TBX20: variants seen among roughly 807,000 people sequenced by gnomAD.
The protein encoded by TBX20 is T-box transcription factor TBX20.
TBX20 carries 8 observed loss-of-function variants against 42.9 expected under a neutral mutation model. The ratio of observed to expected loss-of-function variants is 0.19; its 90% CI spans 0.11 to 0.34. TBX20 has a LOEUF of 0.34. Among genes scored for constraint, TBX20 ranks in the 10% least tolerant of loss-of-function variants. The pLI is 1.00. For synonymous variants in TBX20, 198 were observed against 222.8 expected, an observed-to-expected ratio of 0.89 and a Z score of 0.99; for missense variants, 411 against 566.0, an observed-to-expected ratio of 0.73 and a Z score of 2.78.
intron 5 of TBX20, among the ~76,000 whole-genome samples, chr7:35,234,098 C>G (rs1455603702): frequency 6.6e-6 from 1 of 152,184 alleles, no homozygotes; most frequent in Non-Finnish European, 1.5e-5. Flanking sequence ...ATAAAATTTT[C>G]TACAGACAAC....
intron 6 of TBX20, among the ~76,000 whole-genome samples, chr7:35,208,932 T>C (rs1378519388): frequency 2.0e-5 from 3 of 152,050 alleles, no homozygotes; most frequent in Non-Finnish European, 2.9e-5. Context: ...TTTTCAAGAA[T>C]AGAGGTTGAA....
chr7:35,249,826 G>T lies in TBX20; in HGVS notation c.380+125C>A. ...CAAGCTGGTGGAAAGCAGCTGCCCT[G>T]GAGCCAAGCTGTCTCTCCGCTCCAT... is the stretch of plus-strand genomic sequence containing the variant. On this transcript the variant is annotated intron_variant, in intron 2 of 7. Coordinates refer to ENST00000408931, the MANE Select transcript of TBX20 (RefSeq NM_001077653.2). The surrounding 1 kb of genome is among the most constrained non-coding windows in gnomAD (Gnocchi z 4.3). 9.0e-7 allele frequency: 1 copy of T among 1,105,622 alleles called. No individual in the cohort carries two copies. Among genetic ancestry groups the T allele is most frequent in the East Asian group, 2.5e-5 (1 of 39,970 alleles). 68.5% of individuals were successfully genotyped at this position (1,105,622 alleles called of 1,614,324 possible). A position where few individuals can be genotyped will look rare whatever the true frequency, so the allele number is the denominator to read the frequency against.
At chr7:35,226,391 A>C (rs1280551079) in intron 6 of TBX20, among the ~76,000 whole-genome samples, 4 of 149,834 alleles carry the variant, frequency 2.7e-5, no homozygotes, top group African/African-American at 7.4e-5. Flanking sequence ...TTTAGAGAAC[A>C]AGGTGAACAA....
chr7:35,247,046 A>AT (rs991071117), intron 3 of TBX20, among the ~76,000 whole-genome samples: 2 of 151,882 alleles, frequency 1.3e-5, no homozygotes, highest in African/African-American at 4.8e-5. Flanking sequence ...AGTAACATAA[A>AT]CAAGGCATGT....
At position 35,253,768 on chromosome 7, in the gene TBX20, G is replaced by A; in HGVS notation, c.-148C>T. The A allele has an allele frequency of 2.0e-6, 2 of 982,948 alleles. No individual in the cohort carries two copies. The highest frequency in any genetic ancestry group is 1.6e-5 in the South Asian group (1 of 61,750). The allele number at this position is 982,948 out of a possible 1,614,324, so 60.9% of individuals were successfully genotyped here. On this transcript the variant is annotated 5_prime_UTR_variant, in exon 1 of 8. Coordinates refer to ENST00000408931, the MANE Select transcript of TBX20 (RefSeq NM_001077653.2). ...GGACTCCAGAAGTGTCAGCTCCAAC[G>A]ACTCCAGAGCTGCACACTGGCCTCT... is the stretch of plus-strand genomic sequence containing the variant.
chr7:35,243,361 T>C (rs1423205828), intron 4 of TBX20, among the ~76,000 whole-genome samples: 1 of 152,172 alleles, frequency 6.6e-6, no homozygotes, highest in African/African-American at 2.4e-5. Flanking sequence ...ATAATCTTGG[T>C]ATAATCAGGC....
intron 6 of TBX20, among the ~76,000 whole-genome samples, chr7:35,223,709 G>C (rs1392980649): frequency 6.6e-6 from 1 of 152,162 alleles, no homozygotes; most frequent in Non-Finnish European, 1.5e-5. Flanking sequence ...ACTTTGACAA[G>C]GGTGGACTAG....
intron 3 of TBX20, among the ~76,000 whole-genome samples, chr7:35,248,213 T>A (rs1584358906): frequency 6.6e-6 from 1 of 152,324 alleles, no homozygotes; most frequent in East Asian, 1.9e-4. Context: ...TAAATGTTGT[T>A]TATTATATGC....
At chr7:35,220,597 C>T (rs1484991711) in intron 6 of TBX20, among the ~76,000 whole-genome samples, 2 of 152,212 alleles carry the variant, frequency 1.3e-5, no homozygotes, top group Admixed American at 6.5e-5. Context: ...ATTGCCCCTT[C>T]TTCAATCTAT....
At chr7:35,206,697 C>G (rs967011156) in intron 6 of TBX20, among the ~76,000 whole-genome samples, 1 of 152,230 alleles carries the variant, frequency 6.6e-6, no homozygotes, top group Non-Finnish European at 1.5e-5. Flanking sequence ...TGGTCCCCAT[C>G]GCAACAAACC....
At chr7:35,207,128 A>C (rs1457503180) in intron 6 of TBX20, among the ~76,000 whole-genome samples, 1 of 152,194 alleles carries the variant, frequency 6.6e-6, no homozygotes, top group Non-Finnish European at 1.5e-5. Context: ...TAGCATTCCC[A>C]CCATCAGTGT....
chr7:35,240,575 C>G (rs530221315), intron 5 of TBX20, among the ~76,000 whole-genome samples: 3 of 152,020 alleles, frequency 2.0e-5, no homozygotes, highest in Non-Finnish European at 2.9e-5. Context: ...TACATGTTAC[C>G]AGGAGGAGGA....
chr7:35,217,085 AAT>A (rs1386949318), intron 6 of TBX20, among the ~76,000 whole-genome samples: 1 of 152,138 alleles, frequency 6.6e-6, no homozygotes, highest in Non-Finnish European at 1.5e-5. Flanking sequence ...TGAGAACTGA[AAT>A]ATACAATCCA....
chr7:35,227,196 G>T, intron 6 of TBX20, among the ~76,000 whole-genome samples: 1 of 151,882 alleles, frequency 6.6e-6, no homozygotes, highest in East Asian at 1.9e-4. Context: ...TGTTACAGGA[G>T]AGTCAAAAAG....
At chr7:35,225,312 TAA>T (rs984155509) in intron 6 of TBX20, among the ~76,000 whole-genome samples, 1 of 151,912 alleles carries the variant, frequency 6.6e-6, no homozygotes, top group Non-Finnish European at 1.5e-5. Flanking sequence ...GTTGCCACAT[TAA>T]AAAAAATACA....
chr7:35,216,999 C>G (rs1243868373), intron 6 of TBX20, among the ~76,000 whole-genome samples: 1 of 152,128 alleles, frequency 6.6e-6, no homozygotes, highest in East Asian at 1.9e-4. Context: ...ATATTCGTAA[C>G]TTCCACGAAA....
chr7:35,211,080 A>G (rs1789489371), intron 6 of TBX20, among the ~76,000 whole-genome samples: 1 of 151,982 alleles, frequency 6.6e-6, no homozygotes, highest in Non-Finnish European at 1.5e-5. Flanking sequence ...TTTATAGTAA[A>G]TATCTTTAAG....
At chr7:35,225,374 C>G (rs1319093469) in intron 6 of TBX20, among the ~76,000 whole-genome samples, 1 of 151,972 alleles carries the variant, frequency 6.6e-6, no homozygotes, top group Non-Finnish European at 1.5e-5. Flanking sequence ...TTCAATATAT[C>G]TAATTGATAT....
At chr7:35,236,751 G>A (rs57812663) in intron 5 of TBX20, among the ~76,000 whole-genome samples, 55,587 of 151,880 alleles carry the variant, frequency 0.37, 10,457 homozygotes, top group Admixed American at 0.46. Flanking sequence ...GGTGGATATC[G>A]AAAAATAAAC....
Sources: allele counts gnomAD v4.1 joint callset (sites outside exome capture counted in the v4.1 genomes callset), GRCh38; gene constraint gnomAD v4.1.1; non-coding constraint Gnocchi (gnomAD v3.1); transcripts MANE v1.5; gene names NCBI Gene and HGNC (gene_info 2026-07-23, HGNC 2026-07-21).